Variants in SYT1 observed in about 807,000 individuals in gnomAD.
SYT1 encodes the protein synaptotagmin-1.
Under a neutral mutation model 44.8 loss-of-function variants are expected in SYT1, and 8 were observed. The observed-to-expected ratio is 0.18, with a 90% CI of 0.10 to 0.32. SYT1 has a LOEUF of 0.32. SYT1 is among the 10% of genes least tolerant of loss of function. The pLI is 1.00. For synonymous variants in SYT1, 154 were observed against 188.8 expected, an observed-to-expected ratio of 0.82 and a Z score of 1.51; for missense variants, 286 against 509.3, an observed-to-expected ratio of 0.56 and a Z score of 4.22.
At chr12:78,960,370 A>G (rs1404784660) in intron 1 of SYT1, 1 of 152,222 alleles carries the variant, frequency 6.6e-6, no homozygotes, top group South Asian at 2.1e-4. Context: ...TCTTGAGTGA[A>G]TAAGTAAATA....
chr12:78,929,427 A>C (rs1180820323), intron 1 of SYT1, among the ~76,000 whole-genome samples: 53 of 134,578 alleles, frequency 3.9e-4, no homozygotes, highest in African/African-American at 9.7e-4. Context: ...AAAAAAAAAA[A>C]AAAAAAAAAA....
chr12:78,948,533 A>C (rs1432486331), intron 1 of SYT1, among the ~76,000 whole-genome samples: 1 of 152,012 alleles, frequency 6.6e-6, no homozygotes, highest in Non-Finnish European at 1.5e-5. Context: ...TAATTCTATA[A>C]AATGAAGCCA....
intron 9 of SYT1, among the ~76,000 whole-genome samples, chr12:79,438,674 C>G (rs1870231049): frequency 6.6e-6 from 1 of 152,046 alleles, no homozygotes; most frequent in Non-Finnish European, 1.5e-5. Flanking sequence ...CAAACAAGGT[C>G]TATATCCTCT....
At chr12:79,193,897 A>G (rs913095062) in intron 3 of SYT1, among the ~76,000 whole-genome samples, 16 of 152,270 alleles carry the variant, frequency 1.1e-4, no homozygotes, top group African/African-American at 3.9e-4. Context: ...AGGTATTTCT[A>G]AATCCCAATA....
intron 9 of SYT1, among the ~76,000 whole-genome samples, chr12:79,407,710 G>T (rs1462749196): frequency 6.6e-6 from 1 of 152,042 alleles, no homozygotes; most frequent in African/African-American, 2.4e-5. Context: ...CTATTTGGTG[G>T]CCCCTCCTGA....
intron 3 of SYT1, among the ~76,000 whole-genome samples, chr12:79,099,569 C>A (rs1299471084): frequency 6.6e-6 from 1 of 152,080 alleles, no homozygotes; most frequent in East Asian, 1.9e-4. Context: ...AGTAGTCTAT[C>A]TGTAAATACA....
intron 4 of SYT1, among the ~76,000 whole-genome samples, chr12:79,242,894 G>A (rs769567469): frequency 7.9e-4 from 121 of 152,216 alleles, no homozygotes; most frequent in Non-Finnish European, 1.4e-3. Flanking sequence ...TTTTTATACT[G>A]CTATGAAGAA....
intron 3 of SYT1, among the ~76,000 whole-genome samples, chr12:79,101,450 G>A (rs1878439175): frequency 6.6e-6 from 1 of 152,144 alleles, no homozygotes; most frequent in Non-Finnish European, 1.5e-5. Flanking sequence ...AGAAAGTAGA[G>A]TGCTGAAGGA....
intron 4 of SYT1, among the ~76,000 whole-genome samples, chr12:79,263,590 G>A (rs1435205541): frequency 2.0e-5 from 3 of 152,096 alleles, no homozygotes; most frequent in Admixed American, 1.3e-4. Flanking sequence ...GGAAATGGCT[G>A]GATTTAGTGA....
chr12:79,158,271 C>T (rs373946837), intron 3 of SYT1, among the ~76,000 whole-genome samples: 24 of 152,072 alleles, frequency 1.6e-4, no homozygotes, highest in African/African-American at 5.6e-4. Flanking sequence ...GACAGATCAT[C>T]AGGCATTAAA....
intron 9 of SYT1, among the ~76,000 whole-genome samples, chr12:79,374,017 G>A (rs1009599761): frequency 2.6e-5 from 4 of 152,140 alleles, no homozygotes; most frequent in Non-Finnish European, 5.9e-5. Flanking sequence ...CACATAAAGC[G>A]CAATACATAG....
intron 4 of SYT1, among the ~76,000 whole-genome samples, chr12:79,284,661 C>T (rs1879216113): frequency 6.6e-6 from 1 of 151,918 alleles, no homozygotes; most frequent in African/African-American, 2.4e-5. Context: ...CATGGTGAAA[C>T]CCCGTATCTA....
At chr12:79,406,077 G>A (rs900857738) in intron 9 of SYT1, among the ~76,000 whole-genome samples, 2 of 152,130 alleles carry the variant, frequency 1.3e-5, no homozygotes, top group Non-Finnish European at 2.9e-5. Context: ...GAGGAGAAAG[G>A]GAGTCAGTAA....
At position 78,931,234 on chromosome 12, in the gene SYT1, A is replaced by AG. The variant is rs1491480199; in HGVS notation, c.-216-46564dup. 2.9e-3 allele frequency among the ~76,000 whole-genome samples: 151 copies of AG among 51,410 alleles called. 5 individuals are homozygous for AG. The highest frequency in any genetic ancestry group is 7.8e-3 in the African/African-American group (71 of 9,054). The allele number at this position is 51,410 out of a possible 152,430, so 33.7% of individuals were successfully genotyped here. A position where few individuals can be genotyped will look rare whatever the true frequency, so the allele number is the denominator to read the frequency against. On this transcript the variant is annotated intron_variant, in intron 1 of 10. Coordinates refer to ENST00000261205, the MANE Select transcript of SYT1 (RefSeq NM_005639.3). ...AAGAAAGAAAGAAAGAAAGAAAGAA[A>AG]GAAAGAAGGAAGGAAGGAAGGAAGG...
At chr12:79,215,705 G>A (rs1874745601) in intron 3 of SYT1, among the ~76,000 whole-genome samples, 1 of 152,024 alleles carries the variant, frequency 6.6e-6, no homozygotes, top group African/African-American at 2.4e-5. Flanking sequence ...ATAAAAGAGA[G>A]AGAGAGAAAT....
intron 1 of SYT1, among the ~76,000 whole-genome samples, chr12:78,953,904 T>A (rs1879091794): frequency 6.6e-6 from 1 of 152,034 alleles, no homozygotes; most frequent in Non-Finnish European, 1.5e-5. Flanking sequence ...ATCCAAATAT[T>A]TTTTTTAAAA....
At chr12:79,033,018 A>T (rs1872919288) in intron 2 of SYT1, among the ~76,000 whole-genome samples, 1 of 151,300 alleles carries the variant, frequency 6.6e-6, no homozygotes, top group South Asian at 2.1e-4. Context: ...ATCTGCCTCG[A>T]GTTGTACCTC....
intron 1 of SYT1, among the ~76,000 whole-genome samples, chr12:78,972,101 G>C (rs952014763): frequency 2.0e-5 from 3 of 151,924 alleles, no homozygotes; most frequent in African/African-American, 7.3e-5. Context: ...CTTAAACTAA[G>C]AACAAACAAT....
At chr12:79,318,272 T>C (rs1341306549) in intron 8 of SYT1, among the ~76,000 whole-genome samples, 5 of 152,166 alleles carry the variant, frequency 3.3e-5, no homozygotes, top group African/African-American at 1.2e-4. Context: ...AGTCACCGGG[T>C]GACCCGTACT....
Sources: gnomAD v4.1 joint callset for allele counts (sites outside exome capture counted in the v4.1 genomes callset) on GRCh38, gnomAD v4.1.1 for gene constraint, MANE v1.5 for transcripts, NCBI Gene and HGNC (gene_info 2026-07-23, HGNC 2026-07-21) for gene names.